The following SIMC1 variants were observed in gnomAD, a reference collection of about 807,000 sequenced individuals.
The protein encoded by SIMC1 is SUMO-interacting motif-containing protein 1.
A neutral mutation model predicts 82.3 loss-of-function variants in SIMC1; 55 were observed. The ratio of observed to expected loss-of-function variants is 0.67; its 90% confidence interval spans 0.54 to 0.84. SIMC1 has a LOEUF of 0.84. SIMC1 is among the 40% of genes least tolerant of loss of function. The pLI is 0.00. For synonymous variants in SIMC1, 353 were observed against 426.3 expected (o/e 0.83, Z 2.12); for missense variants, 915 against 1,107.2 (o/e 0.83, Z 2.46).
At chr5:176,262,648 T>C (rs1159783611) in intron 1 of SIMC1, among the ~76,000 whole-genome samples, 3 of 152,062 alleles carry the variant, frequency 2.0e-5, no homozygotes, top group African/African-American at 7.2e-5. Context: ...CTACTAAAAA[T>C]ATACAAATCA....
At chr5:176,343,826 C>G (rs1766269971) in intron 9 of SIMC1, among the ~76,000 whole-genome samples, 1 of 152,010 alleles carries the variant, frequency 6.6e-6, no homozygotes, top group African/African-American at 2.4e-5. Context: ...CGGAGTCTAG[C>G]TCTGTCGTCC....
intron 1 of SIMC1, among the ~76,000 whole-genome samples, chr5:176,273,887 C>A (rs1251111013): frequency 6.6e-6 from 1 of 151,926 alleles, no homozygotes; most frequent in African/African-American, 2.4e-5. Flanking sequence ...GCCACATTTT[C>A]TTAATCCAGT....
intron 1 of SIMC1, among the ~76,000 whole-genome samples, chr5:176,252,559 G>A (rs1471554484): frequency 3.3e-5 from 5 of 150,070 alleles, no homozygotes; most frequent in African/African-American, 9.8e-5. Context: ...GGGCAGAGAC[G>A]CTCCTCACTT....
chr5:176,331,084 GA>G (rs1345025709), intron 7 of SIMC1, among the ~76,000 whole-genome samples: 1 of 152,092 alleles, frequency 6.6e-6, no homozygotes, highest in Admixed American at 6.6e-5. Flanking sequence ...GATGTTCCTT[GA>G]AAAAAACTGG....
intron 3 of SIMC1, 109 bp downstream of exon 3, chr5:176,295,371 T>C: frequency 1.4e-6 from 2 of 1,472,544 alleles, no homozygotes; most frequent in Non-Finnish European, 1.8e-6. Context: ...GTGGGTGACT[T>C]AGCATATTAG....
intron 6 of SIMC1, 88 bp downstream of exon 6, chr5:176,322,513 CA>C: frequency 7.2e-7 from 1 of 1,382,364 alleles, no homozygotes; most frequent in Non-Finnish European, 9.6e-7. Context: ...CAGCTTCCCC[CA>C]AATTAACAAG....
chr5:176,309,407 A>T (rs1403005214), intron 4 of SIMC1, among the ~76,000 whole-genome samples: 1 of 152,244 alleles, frequency 6.6e-6, no homozygotes, highest in African/African-American at 2.4e-5. Context: ...TGCAATACAT[A>T]AAACTATACA....
chr5:176,269,276 C>T (rs1285720455), intron 1 of SIMC1, among the ~76,000 whole-genome samples: 6 of 151,740 alleles, frequency 4.0e-5, no homozygotes, highest in Admixed American at 3.9e-4. Flanking sequence ...TGATAAATAT[C>T]TAGCTAGATT....
At chr5:176,270,063 T>C (rs555998336) in intron 1 of SIMC1, among the ~76,000 whole-genome samples, 150 of 151,538 alleles carry the variant, frequency 9.9e-4, no homozygotes, top group African/African-American at 3.3e-3. Context: ...AGGATAAATA[T>C]GCAAAAATTC....
rs368854039 is a variant in SIMC1 at position 176,313,732 on chromosome 5, C to T, written c.1776C>T (p.Val592=). Residue 592 remains valine, a synonymous_variant, in exon 5 of 10, where the codon GTC becomes GTT. Coordinates refer to ENST00000429602, the MANE Select transcript of SIMC1 (RefSeq NM_001308195.2). The part of the protein sequence containing the change: ...LPGRVLFLRY[V]VQTLEDDFQQ... ...GGCGAGTCCTTTTCCTGCGTTATGT[C>T]GTTCAGACCCTAGAAGATGACTTTC... 3.0e-5 allele frequency: 48 copies of T among 1,613,820 alleles called. No individual in the cohort carries two copies. The highest frequency in any genetic ancestry group is 1.6e-4 in the Middle Eastern group (1 of 6,080).
Position 176,311,181 on chromosome 5 carries a change from A to G in SIMC1, c.1735-2510A>G, listed in dbSNP as rs143978720. Among the ~76,000 whole-genome samples the G allele has an allele frequency of 1.3e-3, 197 of 152,330 alleles. 1 individual carries two copies. The highest frequency in any genetic ancestry group is 4.6e-3 in the African/African-American group (191 of 41,570). On this transcript the variant is annotated intron_variant, in intron 4 of 9. Transcript: ENST00000429602. ...GCACAACTCAGTAGGTTTACTACAA[A>G]TCATTGAATTGTACTTTTAAAATGG...
At chr5:176,251,105 C>T (rs11949067) in intron 1 of SIMC1, among the ~76,000 whole-genome samples, 2 of 152,154 alleles carry the variant, frequency 1.3e-5, no homozygotes, top group Non-Finnish European at 2.9e-5. Context: ...CTCACCCCTA[C>T]AATCTCAGCA....
intron 4 of SIMC1, among the ~76,000 whole-genome samples, chr5:176,301,109 G>A (rs533122590): frequency 3.0e-4 from 45 of 152,304 alleles, no homozygotes; most frequent in Middle Eastern, 6.8e-3. Flanking sequence ...ATTACCCTGT[G>A]ATATGGTTTG....
chr5:176,251,834 C>A (rs902886661), intron 1 of SIMC1, among the ~76,000 whole-genome samples: 1 of 150,414 alleles, frequency 6.6e-6, no homozygotes, highest in African/African-American at 2.5e-5. Context: ...ACATCTTGCA[C>A]CGCCCTTAAT....
chr5:176,331,572 C>T (rs1047469263), intron 7 of SIMC1, among the ~76,000 whole-genome samples: 1 of 150,682 alleles, frequency 6.6e-6, no homozygotes, highest in Admixed American at 6.6e-5. Context: ...ACCTTGGCCT[C>T]CCAAAGTGCT....
chr5:176,342,091 G>A (rs1766175247), intron 9 of SIMC1, among the ~76,000 whole-genome samples: 1 of 152,144 alleles, frequency 6.6e-6, no homozygotes, highest in Non-Finnish European at 1.5e-5. Context: ...CTTCTTGCTT[G>A]CCCTCTAAGT....
chr5:176,282,720 T>A (rs1338870048), intron 1 of SIMC1, among the ~76,000 whole-genome samples: 2 of 152,154 alleles, frequency 1.3e-5, no homozygotes, highest in African/African-American at 4.8e-5. Context: ...ACAATCAAAC[T>A]TCTTCTAGCT....
intron 1 of SIMC1, among the ~76,000 whole-genome samples, chr5:176,246,442 G>A (rs1469542505): frequency 6.7e-6 from 1 of 149,782 alleles, no homozygotes; most frequent in Non-Finnish European, 1.5e-5. Flanking sequence ...GTGTGTGTGT[G>A]TGTGTGTTGT....
chr5:176,308,403 C>T, intron 4 of SIMC1: 1 of 1,606,548 alleles, frequency 6.2e-7, no homozygotes, highest in Admixed American at 1.7e-5. Flanking sequence ...GACAGGCCAC[C>T]CCATGAGAGT....
Sources: gnomAD v4.1 joint callset for allele counts (sites outside exome capture counted in the v4.1 genomes callset) on GRCh38, gnomAD v4.1.1 for gene constraint, MANE v1.5 for transcripts, NCBI Gene and HGNC (gene_info 2026-07-23, HGNC 2026-07-21) for gene names.